The following NFKB2 variants were observed in gnomAD, a reference collection of about 807,000 sequenced individuals.
The protein encoded by NFKB2 is nuclear factor kappa B subunit 2.
In NFKB2, 21 loss-of-function variants were observed where a neutral mutation model predicts 109.3. The ratio of observed to expected loss-of-function variants is 0.19; its 90% CI spans 0.14 to 0.28. The LOEUF is 0.28. Among genes scored for constraint, NFKB2 ranks in the 10% least tolerant of loss-of-function variants. The pLI is 1.00. For missense variants in NFKB2, 806 were observed against 1,185.3 expected (o/e 0.68, Z 4.70); for synonymous variants, 478 against 489.9 (o/e 0.98, Z 0.32).
Position 102,401,345 on chromosome 10 carries a change from G to T in NFKB2, c.2223+14G>T, listed in dbSNP as rs767312820. The stretch of plus-strand genomic sequence containing the variant: ...TGCAGCACCAAGGTGAGGCCAGCCC[G>T]GGACTAGAAGTGCTCTGAGTGACGG... On this transcript the variant is annotated intron_variant, in intron 19 of 22. Transcript: ENST00000661543. The surrounding 1 kb of genome is among the most constrained non-coding windows in gnomAD (Gnocchi z 4.2). The T allele has an allele frequency of 6.2e-7, 1 of 1,606,034 alleles. No homozygotes were observed.
intron 14 of NFKB2, 175 bp from the exon 15 acceptor site, chr10:102,399,905 T>C: frequency 8.4e-6 from 9 of 1,067,390 alleles, no homozygotes; most frequent in Non-Finnish European, 1.2e-5. Context: ...GGTACAGTCA[T>C]AGCACTTACC....
chr10:102,400,666 G>C lies in NFKB2; in HGVS notation c.1810G>C (p.Val604Leu), dbSNP rs2061218771. Reference sequence around the variant, plus strand: ...TCCTGCATCCTTAGGACTGTATCCAGTACACCTGGCAGTCCGAGCCCGAAG... The same window carrying C: ...TCCTGCATCCTTAGGACTGTATCCACTACACCTGGCAGTCCGAGCCCGAAG... Reference protein sequence around the residue: ...HMPDFEGLYPVHLAVRARSPE... With the variant: ...HMPDFEGLYPLHLAVRARSPE... Residue 604 changes from valine (V) to leucine (L), a missense_variant, in exon 17 of 23, where the codon GTA becomes CTA. By Grantham distance (32) the Val-to-Leu change is conservative. Around this residue, in one of 10 missense-constraint regions of NFKB2, gnomAD observed 163 missense variants for 207.1 expected, o/e 0.79. Coordinates refer to ENST00000661543, the MANE Select transcript of NFKB2 (RefSeq NM_001322934.2). This position sits in a 1 kb window ranked among gnomAD's most constrained non-coding sequence, Gnocchi z 6.3. 6.2e-7 allele frequency: 1 copy of C among 1,613,842 alleles called. No homozygotes were observed. Among genetic ancestry groups the C allele is most frequent in the African/African-American group, 1.3e-5 (1 of 74,884 alleles).
rs978484878 is a variant in NFKB2, at chr10:102,401,936, T to C, written c.2466+19T>C. 2.9e-5 allele frequency: 46 copies of C among 1,604,056 alleles called. 2 individuals are homozygous for C. The Admixed American group carries it at 5.9e-4, about 21-fold the overall frequency. On this transcript the variant is annotated intron_variant, in intron 21 of 22. Coordinates refer to ENST00000661543, the MANE Select transcript of NFKB2 (RefSeq NM_001322934.2). This position sits in a 1 kb window ranked among gnomAD's most constrained non-coding sequence, Gnocchi z 4.2. ...CTACGAGGTGGGTTGGCCTGTGCCC[T>C]GCCCCCTCCCCAGCCTCCTTTCCCG...
In NFKB2 at chr10:102,395,943, G is replaced by A; in HGVS notation, c.-17G>A. 6 of 1,611,490 alleles carry A rather than the reference G, an allele frequency of 3.7e-6. No homozygotes were observed. The highest frequency in any genetic ancestry group is 5.1e-6 in the Non-Finnish European group (6 of 1,179,366). On this transcript the variant is annotated 5_prime_UTR_variant, in exon 2 of 23. Coordinates refer to ENST00000661543, the MANE Select transcript of NFKB2 (RefSeq NM_001322934.2). ...CTGGCCGGAGCCACTAGACAGAGCC[G>A]GGCCTAGCCCAGAGACATGGAGAGT... is the stretch of plus-strand genomic sequence containing the variant.
rs201623844 is a variant in NFKB2, at chr10:102,400,818, C to T, written c.1962C>T (p.Val654=). The change falls in exon 17 of 23, where the codon GTC becomes GTT. Residue 654 remains valine (V), a synonymous_variant. Coordinates refer to ENST00000661543, the MANE Select transcript of NFKB2 (RefSeq NM_001322934.2). The surrounding 1 kb of genome is among the most constrained non-coding windows in gnomAD (Gnocchi z 6.3). ...AGCTGGGGTTGGTCACCCATCTGGT[C>T]ACCAAGGTGGGACTGAGGATTGTGG... The part of the protein sequence containing the change: ...MEELGLVTHL[V]TKLRANVNAR... The T allele has an allele frequency of 3.0e-3, 4,772 of 1,592,402 alleles. 12 individuals carry two copies. Among genetic ancestry groups the T allele is most frequent in the Non-Finnish European group, 3.3e-3 (3,819 of 1,168,218 alleles).
In NFKB2 at chr10:102,396,661, G is replaced by A; in HGVS notation, c.145-64G>A. ...TGGTTCAGGGCTACTACCAGGCACT[G>A]CGGTCACTGCTGGCCTGGGTGGTCT... On this transcript the variant is annotated intron_variant, in intron 4 of 22. Transcript: ENST00000661543. The surrounding 1 kb of genome is among the most constrained non-coding windows in gnomAD (Gnocchi z 5.9). 3 of 1,560,626 alleles carry A rather than the reference G, an allele frequency of 1.9e-6. No individual in the cohort carries two copies. In the East Asian group the frequency reaches 6.8e-5, roughly 35 times the overall value.
rs756333196 is a variant in NFKB2, at chr10:102,400,335, C to G, written c.1642C>G (p.Arg548Gly). 1.2e-6 allele frequency: 2 copies of G among 1,613,876 alleles called. No homozygotes were observed. Among genetic ancestry groups the G allele is most frequent in the South Asian group, 2.2e-5 (2 of 91,082 alleles). The change falls in exon 16 of 23, where the codon CGG becomes GGG. Residue 548 changes from arginine to glycine, a missense_variant. Transcript: ENST00000661543. The surrounding 1 kb of genome is among the most constrained non-coding windows in gnomAD (Gnocchi z 6.3). Reference protein sequence around the residue: ...GQTSVVSFLLRVGADPALLDR... With the variant: ...GQTSVVSFLLGVGADPALLDR... ...GACGAGTGTGGTGAGCTTTCTGCTG[C>G]GGGTAGGTGCAGACCCAGCTCTGCT...
Position 102,397,460 on chromosome 10 carries a change from T to A in NFKB2, c.502+52T>A, listed in dbSNP as rs768557923. 2 of 1,108,074 alleles carry A rather than the reference T, an allele frequency of 1.8e-6. No individual in the cohort carries two copies. Among genetic ancestry groups the A allele is most frequent in the East Asian group, 3.8e-5 (1 of 26,162 alleles). 68.6% of individuals were successfully genotyped at this position (1,108,074 alleles called of 1,614,324 possible). A position where few individuals can be genotyped will look rare whatever the true frequency, so the allele number is the denominator to read the frequency against. On this transcript the variant is annotated intron_variant, in intron 7 of 22. Coordinates refer to ENST00000661543, the MANE Select transcript of NFKB2 (RefSeq NM_001322934.2). This position sits in a 1 kb window ranked among gnomAD's most constrained non-coding sequence, Gnocchi z 4.7. The stretch of plus-strand genomic sequence containing the variant: ...ATGGGTGCAGGGGGTGGGTGGGTCA[T>A]GGGAGGTGCTCATGGAAGGAGCAGG...
chr10:102,398,783 T>C lies in NFKB2; in HGVS notation c.1036T>C (p.Phe346Leu). 6.2e-7 allele frequency: 1 copy of C among 1,612,548 alleles called. No homozygotes were observed. Among genetic ancestry groups the C allele is most frequent in the Non-Finnish European group, 8.5e-7 (1 of 1,179,716 alleles). ...QRKRRKALPT[F>L]SQPFGGGSHM... ...GAAGCGGAGGAAGGCCTTGCCCACC[T>C]TCTCCCAGCCCTTCGGGGGTGGCTC... The change falls in exon 12 of 23, where the codon TTC (phenylalanine) becomes CTC (leucine). Residue 346 changes from phenylalanine (F) to leucine (L), a missense_variant. Phe to Leu is a conservative substitution (Grantham distance 22). Around this residue, in one of 10 missense-constraint regions of NFKB2, gnomAD observed 209 missense variants for 211.9 expected, o/e 0.99. Coordinates refer to ENST00000661543, the MANE Select transcript of NFKB2 (RefSeq NM_001322934.2). This position sits in a 1 kb window ranked among gnomAD's most constrained non-coding sequence, Gnocchi z 6.6.
At position 102,398,665 on chromosome 10, in the gene NFKB2, G is replaced by C; in HGVS notation, c.992-74G>C. On this transcript the variant is annotated intron_variant, in intron 11 of 22. Coordinates refer to ENST00000661543, the MANE Select transcript of NFKB2 (RefSeq NM_001322934.2). This position sits in a 1 kb window ranked among gnomAD's most constrained non-coding sequence, Gnocchi z 6.6. ...GAGGTGCTTCCTAGGAGCCGGCCCTGAGGGCTCTTCTGGGAAGGGCCCCTG... is the reference window on the plus strand; with the variant it reads ...GAGGTGCTTCCTAGGAGCCGGCCCTCAGGGCTCTTCTGGGAAGGGCCCCTG... 1 of 1,611,688 alleles carries C rather than the reference G, an allele frequency of 6.2e-7. No individual in the cohort carries two copies. Among genetic ancestry groups the C allele is most frequent in the Non-Finnish European group, 8.5e-7 (1 of 1,179,772 alleles).
chr10:102,400,913 C>A lies in NFKB2; in HGVS notation c.1969-34C>A. The A allele has an allele frequency of 6.3e-7, 1 of 1,599,194 alleles. No homozygotes were observed. Among genetic ancestry groups the A allele is most frequent in the Non-Finnish European group, 8.5e-7 (1 of 1,172,358 alleles). ...GGGGGGGCTGGCCAAGGGGACCATG[C>A]TGTGGTGTCAACTCTCGCTGCTCGC... On this transcript the variant is annotated intron_variant, in intron 17 of 22. Coordinates refer to ENST00000661543, the MANE Select transcript of NFKB2 (RefSeq NM_001322934.2). The surrounding 1 kb of genome is among the most constrained non-coding windows in gnomAD (Gnocchi z 6.3).
chr10:102,402,108 G>T lies in NFKB2; in HGVS notation c.2527G>T (p.Gly843Ter). 1 of 1,580,484 alleles carries T rather than the reference G, an allele frequency of 6.3e-7. No individual in the cohort carries two copies. Among genetic ancestry groups the T allele is most frequent in the East Asian group, 2.3e-5 (1 of 43,066 alleles). Reference sequence around the variant, plus strand: ...CCTGTCTGACATGGGCCTAGAGGAGGGAGTGAGGCTGCTGAGGGGTCCAGA... The same window carrying T: ...CCTGTCTGACATGGGCCTAGAGGAGTGAGTGAGGCTGCTGAGGGGTCCAGA... The part of the protein sequence containing the change: ...EALSDMGLEE[G>*]VRLLRGPETR... The change falls in exon 22 of 23, where the codon GGA becomes TGA. Residue 843 changes from glycine to a stop codon, truncating the protein, a stop_gained. Transcript: ENST00000661543. LOFTEE classifies it high-confidence loss of function.
Position 102,396,083 on chromosome 10 carries a change from TG to T in NFKB2, c.21+104del. On this transcript the variant is annotated intron_variant, in intron 2 of 22. Coordinates refer to ENST00000661543, the MANE Select transcript of NFKB2 (RefSeq NM_001322934.2). This position sits in a 1 kb window ranked among gnomAD's most constrained non-coding sequence, Gnocchi z 5.9. ...TGCCTTACACCTGTATGCTCGCAGATGCTCTCAGCCTGCCAGTCTGTCCATC... is the reference window on the plus strand; with the variant it reads ...TGCCTTACACCTGTATGCTCGCAGATCTCTCAGCCTGCCAGTCTGTCCATC... 6.6e-7 allele frequency: 1 copy of T among 1,524,460 alleles called. No individual in the cohort carries two copies. The highest frequency in any genetic ancestry group is 9.1e-7 in the Non-Finnish European group (1 of 1,104,724). The allele number at this position is 1,524,460 out of a possible 1,614,324, so 94.4% of individuals were successfully genotyped here. A position where few individuals can be genotyped will look rare whatever the true frequency, so the allele number is the denominator to read the frequency against.
Position 102,398,771 on chromosome 10 carries a change from G to T in NFKB2, c.1024G>T (p.Ala342Ser). 6.2e-7 allele frequency: 1 copy of T among 1,612,622 alleles called. No homozygotes were observed. The highest frequency in any genetic ancestry group is 8.5e-7 in the Non-Finnish European group (1 of 1,179,904). Residue 342 changes from alanine (A) to serine (S), a missense_variant, in exon 12 of 23, where the codon GCC becomes TCC. By Grantham distance (99) the Ala-to-Ser change is moderately conservative. Coordinates refer to ENST00000661543, the MANE Select transcript of NFKB2 (RefSeq NM_001322934.2). This position sits in a 1 kb window ranked among gnomAD's most constrained non-coding sequence, Gnocchi z 6.6. ...AGAGGTGCAGCGGAAGCGGAGGAAGGCCTTGCCCACCTTCTCCCAGCCCTT... is the reference window on the plus strand; with the variant it reads ...AGAGGTGCAGCGGAAGCGGAGGAAGTCCTTGCCCACCTTCTCCCAGCCCTT... ...KEEVQRKRRKALPTFSQPFGG... is the reference protein window; with the variant it reads ...KEEVQRKRRKSLPTFSQPFGG...
At position 102,397,395 on chromosome 10, in the gene NFKB2, C is replaced by T. The variant is rs1298642240; in HGVS notation, c.489C>T (p.Pro163=). The T allele has an allele frequency of 6.2e-7, 1 of 1,610,754 alleles. No homozygotes were observed. Among genetic ancestry groups the T allele is most frequent in the South Asian group, 1.1e-5 (1 of 91,014 alleles). ...AGAGGCAGCGGCTCCGCTCTAGGCC[C>T]CAGGGCCTTACGGGTATGGGTGCAG... ...KLQRQRLRSR[P]QGLTEAEQRE... is the part of the protein sequence containing the mutation. The change falls in exon 7 of 23, where the codon CCC becomes CCT. Residue 163 remains proline (P), a synonymous_variant. Transcript: ENST00000661543. This position sits in a 1 kb window ranked among gnomAD's most constrained non-coding sequence, Gnocchi z 4.7.
chr10:102,401,279 C>G lies in NFKB2; in HGVS notation c.2171C>G (p.Thr724Ser). The G allele has an allele frequency of 1.2e-6, 2 of 1,611,510 alleles. No individual in the cohort carries two copies. The highest frequency in any genetic ancestry group is 1.7e-4 in the Middle Eastern group (1 of 6,046). Residue 724 changes from threonine to serine, a missense_variant, in exon 19 of 23, where the codon ACC (threonine) becomes AGC (serine). Thr to Ser is a moderately conservative substitution (Grantham distance 58). Transcript: ENST00000661543. The surrounding 1 kb of genome is among the most constrained non-coding windows in gnomAD (Gnocchi z 4.2). ...GACTCTGAAGGGCCTGAGAAGGACA[C>G]CCGAAGCAGCTTCCGGGGCCACACG... Reference protein sequence around the residue: ...DSDSEGPEKDTRSSFRGHTPL... With the variant: ...DSDSEGPEKDSRSSFRGHTPL...
chr10:102,399,477 C>A lies in NFKB2; in HGVS notation c.1307C>A (p.Ala436Asp). ...PSRTPQCEPQ[A>D]PEMLQRAREY... Reference sequence around the variant, plus strand: ...AGGACCCCCCAGTGCGAGCCGCAGGCCCCGGAGATGCTGCAGCGAGGTATG... The same window carrying A: ...AGGACCCCCCAGTGCGAGCCGCAGGACCCGGAGATGCTGCAGCGAGGTATG... The change falls in exon 13 of 23, where the codon GCC (alanine) becomes GAC (aspartate). Residue 436 changes from alanine to aspartate, a missense_variant. Physicochemically the swap from Ala to Asp is moderately radical, Grantham distance 126 (BLOSUM62 -2). Coordinates refer to ENST00000661543, the MANE Select transcript of NFKB2 (RefSeq NM_001322934.2). 6.7e-7 allele frequency: 1 copy of A among 1,496,892 alleles called. No homozygotes were observed. The highest frequency in any genetic ancestry group is 8.9e-7 in the Non-Finnish European group (1 of 1,121,722). The allele number at this position is 1,496,892 out of a possible 1,614,324, so 92.7% of individuals were successfully genotyped here.
upstream of NFKB2, chr10:102,394,446 G>C (rs575861912): frequency 6.5e-6 from 1 of 152,694 alleles, no homozygotes; most frequent in Non-Finnish European, 1.5e-5. Flanking sequence ...AAAAGGGCGC[G>C]AGGCGTGACG....
In NFKB2 at chr10:102,400,037, T is replaced by C. The variant is rs1384799567; in HGVS notation, c.1470-43T>C. ...GCGGTGGGGCCTTGAAAGCGAAGGA[T>C]GCTCTGAGTGGCTGGGCCAGACTCT... is the stretch of plus-strand genomic sequence containing the variant. On this transcript the variant is annotated intron_variant, in intron 14 of 22. Transcript: ENST00000661543. The surrounding 1 kb of genome is among the most constrained non-coding windows in gnomAD (Gnocchi z 6.3). The C allele has an allele frequency of 6.3e-7, 1 of 1,590,430 alleles. No individual in the cohort carries two copies. The highest frequency in any genetic ancestry group is 1.7e-5 in the Admixed American group (1 of 59,878).
Sources: gnomAD v4.1 joint callset for allele counts on GRCh38, gnomAD v4.1.1 for gene constraint, gnomAD v4.1.1 regional missense constraint, Gnocchi (gnomAD v3.1) non-coding constraint, MANE v1.5 for transcripts, NCBI Gene and HGNC (gene_info 2026-07-23, HGNC 2026-07-21) for gene names.